Variants in DMD observed in about 807,000 individuals in gnomAD.
DMD encodes the protein mutant dystrophin.
In DMD, 63 loss-of-function variants were observed where a neutral mutation model predicts 330.1. That is an observed-to-expected ratio of 0.19 (90% CI 0.16 to 0.24). DMD has a LOEUF of 0.24. Ranked by LOEUF, DMD falls within the 10% of genes least tolerant of loss-of-function variation. The pLI is 1.00. For missense variants in DMD, 3,344 were observed against 2,684.1 expected (o/e 1.25, Z -5.43); for synonymous variants, 1,223 against 959.8 (o/e 1.27, Z -5.07).
intron 7 of DMD, among the ~76,000 whole-genome samples, chrX:32,749,045 A>G (rs1227275725): frequency 8.9e-6 from 1 of 112,063 alleles, no homozygotes; most frequent in African/African-American, 3.2e-5. Context: ...AACCCAAAAA[A>G]TAGAAGCCAA....
chrX:33,011,415 T>C (rs2093699311), intron 2 of DMD, among the ~76,000 whole-genome samples: 1 of 112,030 alleles, frequency 8.9e-6, no homozygotes, highest in East Asian at 2.8e-4. Flanking sequence ...TCCTTCTGCC[T>C]TCATCTTTCT....
At chrX:32,195,416 C>A (rs951031246) in intron 44 of DMD, among the ~76,000 whole-genome samples, 1 of 111,334 alleles carries the variant, frequency 9.0e-6, no homozygotes, top group Admixed American at 9.6e-5. Context: ...AGGAGGAGAG[C>A]GAAACCAGAA....
intron 48 of DMD, among the ~76,000 whole-genome samples, chrX:31,838,547 A>ATT (rs1178620016): frequency 8.9e-6 from 1 of 111,894 alleles, no homozygotes; most frequent in Middle Eastern, 4.2e-3. Context: ...ACAAAGCACT[A>ATT]TTTTCTATTT....
chrX:31,370,295 C>T (rs959655217), intron 60 of DMD, among the ~76,000 whole-genome samples: 1 of 111,023 alleles, frequency 9.0e-6, no homozygotes, highest in Non-Finnish European at 1.9e-5. Context: ...ACCCTATACA[C>T]AAGAAAGGAC....
chrX:32,381,112 A>G (rs1259615563), intron 33 of DMD, among the ~76,000 whole-genome samples: 1 of 111,707 alleles, frequency 9.0e-6, no homozygotes, highest in Non-Finnish European at 1.9e-5. Context: ...AATCAAAATG[A>G]AGATAGAAGA....
chrX:32,573,704 C>T (rs2052692397), intron 14 of DMD, 41 bp downstream of exon 14: 3 of 1,189,146 alleles, frequency 2.5e-6, no homozygotes, highest in Non-Finnish European at 3.4e-6. Context: ...ATTTAATATC[C>T]CCCCGTGTCT....
At position 33,299,361 on chromosome X, in the gene DMD, A is replaced by T. The variant is rs192500194; in HGVS notation, c.7+39898T>A. On this transcript the variant is annotated intron_variant, in intron 1 of 17. Coordinates refer to the DMD transcript ENST00000288447. ...CAGGAAAATGAAATTAATATCATCT[A>T]CCTTAAATAGGTGGTTATAGTGATT... 3.1e-3 allele frequency among the ~76,000 whole-genome samples: 342 copies of T among 111,785 alleles called. 1 individual carries two copies. The highest frequency in any genetic ancestry group is 0.011 in the African/African-American group (331 of 30,809).
At chrX:32,716,322 G>C (rs750950404) in intron 7 of DMD, among the ~76,000 whole-genome samples, 2 of 110,278 alleles carry the variant, frequency 1.8e-5, no homozygotes, top group Admixed American at 9.8e-5. Context: ...CATGAGATCT[G>C]GTTGTTTAAA....
chrX:33,019,446 T>C (rs1479195310), intron 2 of DMD, among the ~76,000 whole-genome samples: 3 of 111,344 alleles, frequency 2.7e-5, no homozygotes, highest in Non-Finnish European at 5.7e-5. Flanking sequence ...ATTTGATTGA[T>C]TTACCCAAAT....
At chrX:32,208,412 G>A (rs1471058975) in intron 44 of DMD, among the ~76,000 whole-genome samples, 1 of 111,801 alleles carries the variant, frequency 8.9e-6, no homozygotes, top group Non-Finnish European at 1.9e-5. Context: ...TACAAAAGGA[G>A]CCAGGCTAGA....
At chrX:32,560,217 C>A (rs1351028088) in intron 16 of DMD, among the ~76,000 whole-genome samples, 1 of 106,079 alleles carries the variant, frequency 9.4e-6, no homozygotes, top group Non-Finnish European at 1.9e-5. Context: ...TATGCTTACA[C>A]CAAAGCACCT....
Position 32,348,443 on chromosome X carries a change from C to T in DMD, c.5411G>A (p.Gly1804Glu). The T allele has an allele frequency of 8.3e-7, 1 of 1,207,918 alleles. No homozygotes were observed. The highest frequency in any genetic ancestry group is 1.1e-6 in the Non-Finnish European group (1 of 892,715). Reference sequence around the variant, plus strand: ...GAAGTCTTCCTCTTTCAGATTCACCCCCTGCTGAATTTCAGCCTCCAGTGG... The same window carrying T: ...GAAGTCTTCCTCTTTCAGATTCACCTCCTGCTGAATTTCAGCCTCCAGTGG... ...LEPLEAEIQQ[G>E]VNLKEEDFNK... Residue 1804 changes from glycine (G) to glutamate (E), a missense_variant, in exon 38 of 79, where the codon GGG (glycine) becomes GAG (glutamate). By Grantham distance (98) the Gly-to-Glu change is moderately conservative (BLOSUM62 -2). Coordinates refer to ENST00000357033, the MANE Select transcript of DMD (RefSeq NM_004006.3).
intron 49 of DMD, among the ~76,000 whole-genome samples, chrX:31,826,164 T>C (rs1275124292): frequency 8.9e-6 from 1 of 111,930 alleles, no homozygotes; most frequent in Non-Finnish European, 1.9e-5. Context: ...AGTCTGTCCA[T>C]TTACTCTAAT....
intron 50 of DMD, among the ~76,000 whole-genome samples, chrX:31,787,738 T>C (rs753490458): frequency 8.9e-5 from 10 of 112,176 alleles, no homozygotes; most frequent in Non-Finnish European, 1.7e-4. Context: ...AGTAAACATG[T>C]TATGAATTGC....
chrX:31,780,463 T>G (rs2090952627), intron 50 of DMD, among the ~76,000 whole-genome samples: 1 of 112,190 alleles, frequency 8.9e-6, no homozygotes, highest in African/African-American at 3.2e-5. Flanking sequence ...CAAATTGCAT[T>G]ACTATTTAAT....
intron 1 of DMD, among the ~76,000 whole-genome samples, chrX:33,089,607 G>A (rs193179259): frequency 3.6e-5 from 4 of 111,235 alleles, no homozygotes; most frequent in Non-Finnish European, 5.7e-5. Flanking sequence ...AAAAAGTTAT[G>A]AATTAAAAAA....
intron 48 of DMD, among the ~76,000 whole-genome samples, chrX:31,850,719 G>A (rs1294325949): frequency 8.9e-6 from 1 of 112,724 alleles, no homozygotes; most frequent in Admixed American, 9.4e-5. Context: ...GTGGAGTAAA[G>A]CTGCAGCTGA....
At chrX:32,521,637 G>A (rs1357434239) in intron 17 of DMD, among the ~76,000 whole-genome samples, 1 of 112,290 alleles carries the variant, frequency 8.9e-6, no homozygotes, top group Non-Finnish European at 1.9e-5. Context: ...CCTATTGGAT[G>A]TCTCCACTTG....
chrX:31,430,242 G>A (rs980732780), intron 60 of DMD, among the ~76,000 whole-genome samples: 19 of 111,294 alleles, frequency 1.7e-4, no homozygotes, highest in African/African-American at 5.2e-4. Context: ...CCTGGTGGCT[G>A]CCAGCAAAGG....
Sources: gnomAD v4.1 joint callset for allele counts (sites outside exome capture counted in the v4.1 genomes callset) on GRCh38, gnomAD v4.1.1 for gene constraint, MANE v1.5 for transcripts, NCBI Gene and HGNC (gene_info 2026-07-23, HGNC 2026-07-21) for gene names.